TPR: variants seen among roughly 807,000 people sequenced by gnomAD.
The protein encoded by TPR is nucleoprotein TPR.
A neutral mutation model predicts 316.1 loss-of-function variants in TPR; 51 were observed. The observed-to-expected ratio is 0.16, with a 90% confidence interval of 0.13 to 0.20. The LOEUF (loss-of-function observed/expected upper bound fraction) is 0.20, where lower values mean the gene tolerates loss of function less well. TPR is among the 10% of genes least tolerant of loss of function. TPR has a pLI of 1.00. For synonymous variants in TPR, 981 were observed against 914.7 expected, an observed-to-expected ratio of 1.07 and a Z score of -1.31; for missense variants, 2,272 against 2,754.8, an observed-to-expected ratio of 0.82 and a Z score of 3.92.
chr1:186,318,773 G>A lies in TPR; in HGVS notation c.6624C>T (p.Gly2208=). 6.2e-7 allele frequency: 1 copy of A among 1,614,068 alleles called. No individual in the cohort carries two copies. Among genetic ancestry groups the A allele is most frequent in the Non-Finnish European group, 8.5e-7 (1 of 1,180,018 alleles). The change falls in exon 47 of 51, where the codon GGC becomes GGT. Residue 2208 remains glycine (G), a synonymous_variant. Transcript: ENST00000367478. ...GTAGTGGAGTAGTGGGAACACTTCG[G>A]CCACCTGACTCTTCTTCATGAGCTA... is the stretch of plus-strand genomic sequence containing the variant. ...LFLAHEEESG[G]RSVPTTPLQV...
intron 22 of TPR, 40 bp from the exon 23 acceptor site, chr1:186,346,327 A>G (rs1356271064): frequency 9.0e-6 from 14 of 1,552,580 alleles, no homozygotes; most frequent in Non-Finnish European, 1.2e-5. Flanking sequence ...AAAATTACAC[A>G]CATTTAAAGT....
intron 3 of TPR, among the ~76,000 whole-genome samples, chr1:186,368,488 C>T (rs983909944): frequency 2.0e-5 from 3 of 152,046 alleles, no homozygotes; most frequent in African/African-American, 4.8e-5. Flanking sequence ...CACATGCCTG[C>T]GGTCCCACCT....
At chr1:186,340,911 T>C in intron 29 of TPR, 117 bp downstream of exon 29, 1 of 1,286,228 alleles carries the variant, frequency 7.8e-7, no homozygotes, top group East Asian at 2.3e-5. Context: ...ATAATAGACT[T>C]TCACTAATAA....
intron 40 of TPR, among the ~76,000 whole-genome samples, chr1:186,326,474 A>C (rs1657935940): frequency 6.6e-6 from 1 of 152,142 alleles, no homozygotes; most frequent in Admixed American, 6.6e-5. Context: ...GCTCAAAGAT[A>C]ATATAGACCT....
chr1:186,371,801 TG>T (rs1218428350), intron 2 of TPR, among the ~76,000 whole-genome samples: 1 of 152,212 alleles, frequency 6.6e-6, no homozygotes. Flanking sequence ...TTTTCTATTT[TG>T]TTTTAATATT....
chr1:186,315,835 C>A (rs187622217), intron 49 of TPR, among the ~76,000 whole-genome samples: 3 of 149,292 alleles, frequency 2.0e-5, no homozygotes, highest in East Asian at 4.0e-4. Flanking sequence ...CACACTGCTG[C>A]CTTATGGACT....
chr1:186,337,443 A>G (rs1658373642), intron 31 of TPR, among the ~76,000 whole-genome samples: 1 of 152,178 alleles, frequency 6.6e-6, no homozygotes, highest in African/African-American at 2.4e-5. Context: ...AAAGTATACA[A>G]AAGAATATAA....
rs753620193 is a variant in TPR, at chr1:186,357,590, T to G, written c.1531A>C (p.Arg511=). ...RVLLMELEEA[R]GNHVIRDEEV... is the part of the protein sequence containing the mutation. Reference sequence around the variant, plus strand: ...TCATCACGAATTACGTGGTTACCCCTTGCTTCTTCAAGTTCCATCAAAAGC... The same window carrying G: ...TCATCACGAATTACGTGGTTACCCCGTGCTTCTTCAAGTTCCATCAAAAGC... Residue 511 remains arginine (R), a synonymous_variant, in exon 14 of 51, where the codon AGG becomes CGG. Coordinates refer to ENST00000367478, the MANE Select transcript of TPR (RefSeq NM_003292.3). The G allele has an allele frequency of 1.7e-5, 27 of 1,614,004 alleles. No homozygotes were observed. The highest frequency in any genetic ancestry group is 2.3e-5 in the Non-Finnish European group (27 of 1,179,994).
In TPR at chr1:186,313,109, C is replaced by T. The variant is rs554305144; in HGVS notation, c.*862G>A. ...TTCTGCTCTAACCTTCATGAGATTA[C>T]GATAAAACATCCAGTTACTAGAGTA... is the stretch of plus-strand genomic sequence containing the variant. On this transcript the variant is annotated 3_prime_UTR_variant, in exon 51 of 51. Transcript: ENST00000367478. The T allele has an allele frequency of 2.5e-4, 140 of 553,100 alleles. No individual in the cohort carries two copies. The highest frequency in any genetic ancestry group is 3.4e-4 in the Non-Finnish European group (106 of 309,852). The allele number at this position is 553,100 out of a possible 1,614,324, so 34.3% of individuals were successfully genotyped here.
intron 5 of TPR, 45 bp downstream of exon 5, chr1:186,363,297 A>T: frequency 6.9e-7 from 1 of 1,440,588 alleles, no homozygotes. Context: ...GGTGAGTTTT[A>T]ATAAAAAGCT....
At chr1:186,370,310 C>T (rs1353274997) in intron 3 of TPR, among the ~76,000 whole-genome samples, 2 of 152,016 alleles carry the variant, frequency 1.3e-5, no homozygotes, top group Admixed American at 6.6e-5. Flanking sequence ...ACATTTCCAT[C>T]CAGAAATTTG....
At chr1:186,340,899 ACAT>A in intron 29 of TPR, 126 bp downstream of exon 29, 1 of 1,188,854 alleles carries the variant, frequency 8.4e-7, no homozygotes, top group Non-Finnish European at 1.2e-6. Flanking sequence ...TGTATTAATA[ACAT>A]AATAGACTTT....
intron 30 of TPR, 122 bp downstream of exon 30, chr1:186,339,520 A>G: frequency 1.4e-6 from 1 of 724,264 alleles, no homozygotes; most frequent in Non-Finnish European, 2.0e-6. Flanking sequence ...GAAGTCAGAT[A>G]TAGGTGCTCT....
chr1:186,318,346 A>C, intron 48 of TPR, 101 bp downstream of exon 48: 1 of 1,473,840 alleles, frequency 6.8e-7, no homozygotes, highest in Non-Finnish European at 9.1e-7. Flanking sequence ...AAACAAAAAA[A>C]AACAAAACAC....
At chr1:186,374,024 C>G (rs1388874565) in intron 1 of TPR, among the ~76,000 whole-genome samples, 6 of 152,202 alleles carry the variant, frequency 3.9e-5, no homozygotes, top group African/African-American at 1.4e-4. Context: ...ATGTACTATA[C>G]TCAGCTCTGG....
intron 12 of TPR, among the ~76,000 whole-genome samples, chr1:186,359,566 TA>T (rs1344613560): frequency 1.3e-5 from 2 of 151,914 alleles, no homozygotes; most frequent in Non-Finnish European, 2.9e-5. Flanking sequence ...GTAAATGCAT[TA>T]AAAAAAGGTT....
rs1246024235 is a variant in TPR, at chr1:186,341,387, T to G, written c.3753A>C (p.Val1251=). ...CATGCTGAGCCATTGTTTTTGCAGT[T>G]ACCTAAACATTTCAAATAAATATAC... The part of the protein sequence containing the change: ...SLNAEREKVQ[V]TAKTMAQHEE... The change falls in exon 28 of 51, where the codon GTA becomes GTC. Residue 1251 remains valine (V), a splice_region_variant and synonymous_variant. Transcript: ENST00000367478. 1 of 1,611,438 alleles carries G rather than the reference T, an allele frequency of 6.2e-7. No homozygotes were observed. Among genetic ancestry groups the G allele is most frequent in the East Asian group, 2.2e-5 (1 of 44,818 alleles).
chr1:186,335,222 G>A (rs532283187), intron 34 of TPR, 93 bp from the exon 35 acceptor site: 13 of 1,541,658 alleles, frequency 8.4e-6, no homozygotes, highest in African/African-American at 5.5e-5. Flanking sequence ...AATTCTCTCC[G>A]CATATATTGA....
At chr1:186,357,376 C>G (rs1250958069) in intron 14 of TPR, 21 bp downstream of exon 14, 1 of 1,609,140 alleles carries the variant, frequency 6.2e-7, no homozygotes, top group Non-Finnish European at 8.5e-7. Flanking sequence ...GCTCAACAAG[C>G]TGAGGTATGT....
Sources: allele counts gnomAD v4.1 joint callset (sites outside exome capture counted in the v4.1 genomes callset), GRCh38; gene constraint gnomAD v4.1.1; transcripts MANE v1.5; gene names NCBI Gene and HGNC (gene_info 2026-07-23, HGNC 2026-07-21).